The following ZNF573 variants were observed in gnomAD, a reference collection of about 807,000 sequenced individuals.
ZNF573 encodes zinc finger protein 573.
A neutral mutation model predicts 57.4 loss-of-function variants in ZNF573; 41 were observed. That is an observed-to-expected ratio of 0.71 (90% CI 0.56 to 0.93). ZNF573 has a LOEUF of 0.93. ZNF573 is among the 40% of genes least tolerant of loss of function. ZNF573 has a pLI of 0.00. For synonymous variants in ZNF573, 249 were observed against 261.0 expected (o/e 0.95, Z 0.44); for missense variants, 730 against 794.8 (o/e 0.92, Z 0.98).
chr19:37,756,912 A>C (rs1014125280), intron 4 of ZNF573, among the ~76,000 whole-genome samples: 1 of 152,048 alleles, frequency 6.6e-6, no homozygotes, highest in Non-Finnish European at 1.5e-5. Context: ...ATCTTCCAAC[A>C]AAAGGAATAC....
chr19:37,771,435 T>G (rs2045657727), intron 3 of ZNF573, 129 bp downstream of exon 3: 8 of 1,110,220 alleles, frequency 7.2e-6, no homozygotes, highest in Non-Finnish European at 1.0e-5. Flanking sequence ...CAGGCAGAGC[T>G]GAAATATTCC....
chr19:37,769,133 T>A (rs1271840086), intron 4 of ZNF573, among the ~76,000 whole-genome samples: 2 of 151,518 alleles, frequency 1.3e-5, no homozygotes, highest in African/African-American at 4.9e-5. Context: ...CCTGGCTAAT[T>A]TTTGTATTTT....
intron 4 of ZNF573, among the ~76,000 whole-genome samples, chr19:37,746,603 G>A (rs1003176345): frequency 6.6e-6 from 1 of 151,490 alleles, no homozygotes; most frequent in African/African-American, 2.4e-5. Context: ...TTTTTGGGAC[G>A]GAGTCTTGCT....
At chr19:37,777,167 TA>T (rs2045716715) in intron 1 of ZNF573, among the ~76,000 whole-genome samples, 2 of 152,124 alleles carry the variant, frequency 1.3e-5, no homozygotes, top group Non-Finnish European at 2.9e-5. Flanking sequence ...AGTCATTATA[TA>T]AAATTATTTT....
chr19:37,770,586 G>T, intron 3 of ZNF573: 1 of 124,248 alleles, frequency 8.0e-6, no homozygotes, highest in Non-Finnish European at 1.6e-5. Context: ...GCAACAGAGC[G>T]AGACCTCATC....
chr19:37,768,308 G>A (rs1012860888), intron 4 of ZNF573, among the ~76,000 whole-genome samples: 1 of 151,920 alleles, frequency 6.6e-6, no homozygotes, highest in African/African-American at 2.4e-5. Context: ...ATCTGACTAC[G>A]CCTAACAATG....
chr19:37,752,603 A>G (rs1020170605), intron 4 of ZNF573, among the ~76,000 whole-genome samples: 4 of 152,092 alleles, frequency 2.6e-5, no homozygotes, highest in African/African-American at 9.7e-5. Context: ...GAGTGAGAGG[A>G]TAGGGAATGA....
chr19:37,768,786 CT>C (rs2045625158), intron 4 of ZNF573, among the ~76,000 whole-genome samples: 1 of 151,864 alleles, frequency 6.6e-6, no homozygotes, highest in Admixed American at 6.6e-5. Context: ...CTGCCTCAGC[CT>C]CCTGAGTAGC....
chr19:37,769,265 G>GCCTA (rs1250182139), intron 4 of ZNF573, among the ~76,000 whole-genome samples: 1 of 151,932 alleles, frequency 6.6e-6, no homozygotes, highest in Admixed American at 6.6e-5. Context: ...ACTGCGCCCA[G>GCCTA]CCTACCTGTT....
chr19:37,757,191 G>GTTA lies in ZNF573; in HGVS notation c.295+12811_295+12813dup, dbSNP rs150921074. 8.8e-4 allele frequency among the ~76,000 whole-genome samples: 133 copies of GTTA among 151,318 alleles called. 2 individuals are homozygous for GTTA. The highest frequency in any genetic ancestry group is 4.0e-3 in the Admixed American group (61 of 15,132). Reference sequence around the variant, plus strand: ...TACCCACACTAAAATTATTATTGTTGTTATTATTATTATTATTATTTTTGA... The same window carrying GTTA: ...TACCCACACTAAAATTATTATTGTTGTTATTATTATTATTATTATTATTTTTGA... On this transcript the variant is annotated intron_variant, in intron 4 of 4. Transcript: ENST00000536220.
chr19:37,769,599 G>A (rs978128057), intron 4 of ZNF573, among the ~76,000 whole-genome samples: 2 of 151,410 alleles, frequency 1.3e-5, no homozygotes, highest in African/African-American at 2.4e-5. Context: ...GGTGGCACAC[G>A]CCTGTAATTC....
chr19:37,775,525 A>T (rs1173475009), intron 1 of ZNF573, among the ~76,000 whole-genome samples: 3 of 152,066 alleles, frequency 2.0e-5, no homozygotes, highest in Non-Finnish European at 4.4e-5. Context: ...ACCCGTTCCT[A>T]TTTACAACTT....
At chr19:37,764,503 T>C (rs1199178368) in intron 4 of ZNF573, among the ~76,000 whole-genome samples, 1 of 151,548 alleles carries the variant, frequency 6.6e-6, no homozygotes, top group Non-Finnish European at 1.5e-5. Context: ...GTACTTTTAA[T>C]AGAGACGGGG....
At position 37,740,223 on chromosome 19, in the gene ZNF573, T is replaced by A. The variant is rs756889143; in HGVS notation, c.296-29A>T. Reference sequence around the variant, plus strand: ...AAACAAAAGAGGACAACAAAAAAAATTTGTATTTCTATACCAGAGAACAAG... The same window carrying A: ...AAACAAAAGAGGACAACAAAAAAAAATTGTATTTCTATACCAGAGAACAAG... On this transcript the variant is annotated intron_variant, in intron 4 of 4. Coordinates refer to ENST00000536220, the MANE Select transcript of ZNF573 (RefSeq NM_001172690.2). 4.6e-6 allele frequency: 7 copies of A among 1,520,982 alleles called. No individual in the cohort carries two copies. In the African/African-American group the frequency reaches 7.0e-5, roughly 15 times the overall value. The allele number at this position is 1,520,982 out of a possible 1,614,324, so 94.2% of individuals were successfully genotyped here. A position where few individuals can be genotyped will look rare whatever the true frequency, so the allele number is the denominator to read the frequency against.
chr19:37,776,586 T>C (rs1197308065), intron 1 of ZNF573, among the ~76,000 whole-genome samples: 2 of 152,146 alleles, frequency 1.3e-5, no homozygotes, highest in Admixed American at 6.6e-5. Flanking sequence ...AAAGAGTTCA[T>C]GACCAAGAAC....
Position 37,752,500 on chromosome 19 carries a change from C to T in ZNF573, c.296-12306G>A, listed in dbSNP as rs2045447922. Among the ~76,000 whole-genome samples the T allele has an allele frequency of 2.6e-5, 4 of 152,236 alleles. No individual in the cohort carries two copies. In the South Asian group the frequency reaches 8.3e-4, roughly 32 times the overall value. ...TTATGCTAAGTGAAAGAAAGTCATT[C>T]GCAAAAGGCCACATGTTGCTTGATT... On this transcript the variant is annotated intron_variant, in intron 4 of 4. Transcript: ENST00000536220.
rs553294392 is a variant in ZNF573 at position 37,740,300 on chromosome 19, T to C, written c.296-106A>G. ...ACATTCATAATAAGTGAATGGCATA[T>C]AGAATTCAAAAATATGGTTACGAAA... is the stretch of plus-strand genomic sequence containing the variant. On this transcript the variant is annotated intron_variant, in intron 4 of 4. Coordinates refer to ENST00000536220, the MANE Select transcript of ZNF573 (RefSeq NM_001172690.2). 50 of 1,071,484 alleles carry C rather than the reference T, an allele frequency of 4.7e-5. No homozygotes were observed. In the East Asian group the frequency reaches 8.9e-4, roughly 19 times the overall value. The allele number at this position is 1,071,484 out of a possible 1,614,324, so 66.4% of individuals were successfully genotyped here. A position where few individuals can be genotyped will look rare whatever the true frequency, so the allele number is the denominator to read the frequency against.
intron 2 of ZNF573, among the ~76,000 whole-genome samples, chr19:37,772,540 C>G (rs1174562682): frequency 6.6e-6 from 1 of 152,018 alleles, no homozygotes; most frequent in Admixed American, 6.6e-5. Flanking sequence ...TTAATTTTGA[C>G]AAATATATTT....
intron 1 of ZNF573, among the ~76,000 whole-genome samples, chr19:37,774,126 CTTTTTTTTT>C (rs539456711): frequency 0.099 from 8,697 of 87,634 alleles, 358 homozygotes; most frequent in Non-Finnish European, 0.13. Flanking sequence ...CTAGAAGCTT[CTTTTTTTTT>C]TTTTTTTTTT....
Sources: gnomAD v4.1 joint callset for allele counts (sites outside exome capture counted in the v4.1 genomes callset) on GRCh38, gnomAD v4.1.1 for gene constraint, MANE v1.5 for transcripts, NCBI Gene and HGNC (gene_info 2026-07-23, HGNC 2026-07-21) for gene names.